The following FGFR2 variants were observed in gnomAD, a reference collection of about 807,000 sequenced individuals.
The protein encoded by FGFR2 is BEK fibroblast growth factor receptor.
In FGFR2, 19 loss-of-function variants were observed where a neutral mutation model predicts 95.9. The observed-to-expected ratio is 0.20, with a 90% CI of 0.14 to 0.29. The LOEUF (loss-of-function observed/expected upper bound fraction) is 0.29, where lower values mean the gene tolerates loss of function less well. FGFR2 is among the 10% of genes least tolerant of loss of function. FGFR2 has a pLI of 1.00. For missense variants in FGFR2, 707 were observed against 1,056.9 expected, an observed-to-expected ratio of 0.67 and a Z score of 4.59; for synonymous variants, 392 against 393.3, an observed-to-expected ratio of 1.00 and a Z score of 0.04.
At chr10:121,489,663 G>A (rs911405680) in intron 13 of FGFR2, among the ~76,000 whole-genome samples, 14 of 152,134 alleles carry the variant, frequency 9.2e-5, no homozygotes, top group African/African-American at 3.4e-4. Context: ...CAAATTCAAG[G>A]TTTCAACTCC....
At chr10:121,546,735 C>T (rs1485960197) in intron 5 of FGFR2, among the ~76,000 whole-genome samples, 2 of 151,992 alleles carry the variant, frequency 1.3e-5, no homozygotes, top group South Asian at 2.1e-4. Context: ...CCGAGGTGCC[C>T]AATCCATAAA....
chr10:121,497,714 C>T (rs182525941), intron 12 of FGFR2, among the ~76,000 whole-genome samples: 3 of 152,270 alleles, frequency 2.0e-5, no homozygotes, highest in East Asian at 1.9e-4. Context: ...TCCTGCCTAC[C>T]GCCTGTTTGG....
In FGFR2 at chr10:121,485,856, A is replaced by G. The variant is rs971486476; in HGVS notation, c.2058-324T>C. On this transcript the variant is annotated intron_variant, in intron 15 of 17. Transcript: ENST00000358487. The surrounding 1 kb of genome is among the most constrained non-coding windows in gnomAD (Gnocchi z 4.2). Reference sequence around the variant, plus strand: ...TTTCAAAGCCTTTACGCTCCTTTCCAACTCCTTATGTGCCTGACCCAAGGG... The same window carrying G: ...TTTCAAAGCCTTTACGCTCCTTTCCGACTCCTTATGTGCCTGACCCAAGGG... 2.6e-5 allele frequency among the ~76,000 whole-genome samples: 4 copies of G among 152,206 alleles called. No homozygotes were observed. Among genetic ancestry groups the G allele is most frequent in the African/African-American group, 9.7e-5 (4 of 41,448 alleles).
intron 2 of FGFR2, among the ~76,000 whole-genome samples, chr10:121,570,349 G>A (rs796558115): frequency 1.2e-4 from 18 of 152,286 alleles, no homozygotes; most frequent in African/African-American, 3.4e-4. Flanking sequence ...CCCAGGCTGC[G>A]CGGAGCCAGG....
chr10:121,527,996 C>G (rs1347331482), intron 6 of FGFR2: 3 of 152,172 alleles, frequency 2.0e-5, no homozygotes, highest in Non-Finnish European at 2.9e-5. Context: ...GAAAATGTTT[C>G]CTTCGAGCTG....
intron 9 of FGFR2, among the ~76,000 whole-genome samples, chr10:121,505,897 C>A (rs1412237904): frequency 6.6e-6 from 1 of 152,158 alleles, no homozygotes; most frequent in Admixed American, 6.5e-5. Flanking sequence ...CCTCCTAATT[C>A]ATTCTGCATC....
chr10:121,546,252 A>G (rs759143753), intron 5 of FGFR2, among the ~76,000 whole-genome samples: 1 of 151,542 alleles, frequency 6.6e-6, no homozygotes, highest in Non-Finnish European at 1.5e-5. Flanking sequence ...CACGATGGTG[A>G]TACTATTAAA....
intron 10 of FGFR2, 60 bp from the exon 11 acceptor site, chr10:121,501,007 A>G: frequency 6.2e-7 from 1 of 1,606,996 alleles, no homozygotes; most frequent in Non-Finnish European, 8.5e-7. Context: ...AGTGAGGGAA[A>G]TTCCAGAACT....
Position 121,516,498 on chromosome 10 carries a change from G to A in FGFR2, c.1084+821C>T, listed in dbSNP as rs185636893. Among the ~76,000 whole-genome samples the A allele has an allele frequency of 1.4e-4, 21 of 152,278 alleles. 1 individual carries two copies. Among genetic ancestry groups the A allele is most frequent in the Admixed American group, 3.3e-4 (5 of 15,296 alleles). Reference sequence around the variant, plus strand: ...TAAAATAAGCATGCAGGTAAGCACTGTACTCTAAAAACAAGGAATTAATAA... The same window carrying A: ...TAAAATAAGCATGCAGGTAAGCACTATACTCTAAAAACAAGGAATTAATAA... On this transcript the variant is annotated intron_variant, in intron 8 of 17. Coordinates refer to ENST00000358487, the MANE Select transcript of FGFR2 (RefSeq NM_000141.5).
chr10:121,580,552 T>C (rs991746211), intron 2 of FGFR2, among the ~76,000 whole-genome samples: 2 of 152,158 alleles, frequency 1.3e-5, no homozygotes, highest in Non-Finnish European at 2.9e-5. Flanking sequence ...GGGAATGACC[T>C]GGAGGAAAGG....
intron 5 of FGFR2, among the ~76,000 whole-genome samples, chr10:121,550,174 C>T (rs1440229051): frequency 1.3e-5 from 2 of 152,190 alleles, no homozygotes; most frequent in Non-Finnish European, 2.9e-5. Flanking sequence ...TCTCCTTATT[C>T]TTCCAAACGC....
chr10:121,501,919 C>T (rs1039957611), intron 10 of FGFR2, among the ~76,000 whole-genome samples: 3 of 152,210 alleles, frequency 2.0e-5, no homozygotes, highest in Admixed American at 6.5e-5. Flanking sequence ...CATAACAATC[C>T]TTTCTTTGTA....
chr10:121,543,037 C>G (rs1853995829), intron 5 of FGFR2, among the ~76,000 whole-genome samples: 1 of 152,176 alleles, frequency 6.6e-6, no homozygotes. Context: ...AAGTTTTATT[C>G]TGTGCCAGGT....
chr10:121,503,062 T>C (rs569350907), intron 10 of FGFR2, among the ~76,000 whole-genome samples: 1 of 152,332 alleles, frequency 6.6e-6, no homozygotes, highest in Admixed American at 6.5e-5. Context: ...ACCACCCTCA[T>C]TTTATGAGAA....
At chr10:121,566,443 C>A (rs1020549940) in intron 2 of FGFR2, among the ~76,000 whole-genome samples, 1 of 152,118 alleles carries the variant, frequency 6.6e-6, no homozygotes, top group Non-Finnish European at 1.5e-5. Flanking sequence ...GAAATGAAGC[C>A]GCTGGGTGCT....
rs1003638950 is a variant in FGFR2 at position 121,515,193 on chromosome 10, G to A, written c.1211C>T (p.Thr404Ile). 6.2e-7 allele frequency: 1 copy of A among 1,614,164 alleles called. No homozygotes were observed. The highest frequency in any genetic ancestry group is 1.3e-5 in the African/African-American group (1 of 75,028). Residue 404 changes from threonine to isoleucine, a missense_variant, in exon 9 of 18, where the codon ACC becomes ATC. By Grantham distance (89) the Thr-to-Ile change is moderately conservative. Coordinates refer to ENST00000358487, the MANE Select transcript of FGFR2 (RefSeq NM_000141.5). Reference protein sequence around the residue: ...TVILCRMKNTTKKPDFSSQPA... With the variant: ...TVILCRMKNTIKKPDFSSQPA... ...CTGGCTGCTGAAGTCTGGCTTCTTGGTCGTGTTCTTCATTCGGCACAGGAT... is the reference window on the plus strand; with the variant it reads ...CTGGCTGCTGAAGTCTGGCTTCTTGATCGTGTTCTTCATTCGGCACAGGAT...
intron 8 of FGFR2, 128 bp from the exon 9 acceptor site, chr10:121,515,447 C>T: frequency 1.2e-6 from 1 of 848,692 alleles, no homozygotes; most frequent in Non-Finnish European, 2.0e-6. Context: ...GGTGGGCTTC[C>T]CAAAAACTCC....
chr10:121,589,394 TTTG>T (rs1862294916), intron 2 of FGFR2, among the ~76,000 whole-genome samples: 1 of 152,256 alleles, frequency 6.6e-6, no homozygotes, highest in Admixed American at 6.5e-5. Flanking sequence ...CATGTAATTA[TTTG>T]TTAAGTCTGA....
chr10:121,493,612 T>C (rs1422175224), intron 13 of FGFR2, among the ~76,000 whole-genome samples: 1 of 152,210 alleles, frequency 6.6e-6, no homozygotes, highest in Non-Finnish European at 1.5e-5. Context: ...TCTCTAGATT[T>C]GAGAATTTTC....
Sources: gnomAD v4.1 joint callset for allele counts (sites outside exome capture counted in the v4.1 genomes callset) on GRCh38, gnomAD v4.1.1 for gene constraint, Gnocchi (gnomAD v3.1) non-coding constraint, MANE v1.5 for transcripts, NCBI Gene and HGNC (gene_info 2026-07-23, HGNC 2026-07-21) for gene names.